Variants in CNMD observed in about 807,000 individuals in gnomAD.
The protein encoded by CNMD is chondromodulin, also known as leukocyte cell-derived chemotaxin 1.
A neutral mutation model predicts 37.5 loss-of-function variants in CNMD; 30 were observed. The observed-to-expected ratio is 0.80, with a 90% confidence interval of 0.60 to 1.09. The LOEUF (loss-of-function observed/expected upper bound fraction) is 1.09. CNMD is among the 50% of genes least tolerant of loss of function. The pLI, the probability that CNMD is intolerant of heterozygous loss-of-function variation, is 0.00. For missense variants in CNMD, 398 were observed against 423.9 expected (o/e 0.94, Z 0.54); for synonymous variants, 167 against 148.2 (o/e 1.13, Z -0.92).
chr13:52,731,862 T>A (rs1185158826), intron 3 of CNMD, among the ~76,000 whole-genome samples: 1 of 152,232 alleles, frequency 6.6e-6, no homozygotes, highest in Admixed American at 6.5e-5. Context: ...GATTTTACCC[T>A]GTCCTGGGTC....
rs1418890044 is a variant in CNMD at position 52,739,566 on chromosome 13, G to T, written c.72+64C>A. 2 of 1,455,506 alleles carry T rather than the reference G, an allele frequency of 1.4e-6. No individual in the cohort carries two copies. The highest frequency in any genetic ancestry group is 4.5e-5 in the East Asian group (2 of 43,958). The allele number at this position is 1,455,506 out of a possible 1,614,324, so 90.2% of individuals were successfully genotyped here. ...TTCGGTGGCACGCACCCCTGAGTCC[G>T]AACTGTGGAACCTGATACTCACACA... is the stretch of plus-strand genomic sequence containing the variant. On this transcript the variant is annotated intron_variant, in intron 1 of 6. Transcript: ENST00000377962. This position sits in a 1 kb window ranked among gnomAD's most constrained non-coding sequence, Gnocchi z 5.4.
chr13:52,733,638 G>T, intron 2 of CNMD: 2 of 463,512 alleles, frequency 4.3e-6, no homozygotes, highest in Non-Finnish European at 8.1e-6. Context: ...AGAAGCATCT[G>T]GGTAGACTCT....
intron 3 of CNMD, among the ~76,000 whole-genome samples, chr13:52,730,021 A>G (rs1010637679): frequency 8.1e-5 from 11 of 135,050 alleles, no homozygotes; most frequent in African/African-American, 3.1e-4. Context: ...CCCTTCCTGT[A>G]TCCATGTGTT....
intron 4 of CNMD, among the ~76,000 whole-genome samples, chr13:52,719,599 T>C (rs1964447089): frequency 1.3e-5 from 2 of 152,224 alleles, no homozygotes; most frequent in Admixed American, 1.3e-4. Flanking sequence ...TTAGTTTGGC[T>C]GGATATGAAA....
Position 52,733,779 on chromosome 13 carries a change from T to G in CNMD, c.214-420A>C, listed in dbSNP as rs543719496. On this transcript the variant is annotated intron_variant, in intron 2 of 6. Transcript: ENST00000377962. ...ATCTGGGTTGAGCACTATTGATGGA[T>G]AAATGGAAATTGAGGAGGCAGAAGG... Among the ~76,000 whole-genome samples the G allele has an allele frequency of 2.0e-4, 30 of 152,312 alleles. No individual in the cohort carries two copies. In the South Asian group the frequency reaches 6.2e-3, roughly 32 times the overall value.
At chr13:52,713,625 C>A (rs1964325869) in intron 4 of CNMD, among the ~76,000 whole-genome samples, 1 of 152,184 alleles carries the variant, frequency 6.6e-6, no homozygotes, top group Admixed American at 6.5e-5. Context: ...AGGCTTATGG[C>A]TGCATTAAAA....
At chr13:52,717,941 G>A (rs1964417324) in intron 4 of CNMD, among the ~76,000 whole-genome samples, 3 of 152,120 alleles carry the variant, frequency 2.0e-5, no homozygotes, top group Admixed American at 1.3e-4. Context: ...TTGTACCTCT[G>A]GTAGAATTTG....
At chr13:52,704,506 T>G (rs1217246512) in intron 6 of CNMD, among the ~76,000 whole-genome samples, 1 of 152,144 alleles carries the variant, frequency 6.6e-6, no homozygotes, top group Non-Finnish European at 1.5e-5. Context: ...ATCTCCATTT[T>G]CACTGCTGGT....
Position 52,739,211 on chromosome 13 carries a change from C to A in CNMD, c.73-40G>T, listed in dbSNP as rs1404059845. 1 of 1,441,850 alleles carries A rather than the reference C, an allele frequency of 6.9e-7. No homozygotes were observed. 89.3% of individuals were successfully genotyped at this position (1,441,850 alleles called of 1,614,324 possible). A position where few individuals can be genotyped will look rare whatever the true frequency, so the allele number is the denominator to read the frequency against. On this transcript the variant is annotated intron_variant, in intron 1 of 6. Coordinates refer to ENST00000377962, the MANE Select transcript of CNMD (RefSeq NM_007015.3). This position sits in a 1 kb window ranked among gnomAD's most constrained non-coding sequence, Gnocchi z 5.4. Reference sequence around the variant, plus strand: ...GGGAGAGGGACCGTCGCGTTTGTGCCGCCAGCACCTGCGGCCCCCAGCGCA... The same window carrying A: ...GGGAGAGGGACCGTCGCGTTTGTGCAGCCAGCACCTGCGGCCCCCAGCGCA...
Position 52,739,078 on chromosome 13 carries a change from A to T in CNMD, c.166T>A (p.Phe56Ile), listed in dbSNP as rs768952260. The T allele has an allele frequency of 2.5e-6, 4 of 1,581,136 alleles. No homozygotes were observed. In the East Asian group the frequency reaches 1.0e-4, roughly 40 times the overall value. Residue 56 changes from phenylalanine (F) to isoleucine (I), a missense_variant, in exon 2 of 7, where the codon TTT becomes ATT. By Grantham distance (21) the Phe-to-Ile change is conservative. Transcript: ENST00000377962. This position sits in a 1 kb window ranked among gnomAD's most constrained non-coding sequence, Gnocchi z 5.4. The stretch of plus-strand genomic sequence containing the variant: ...AAGTAGAAGGCCCCGATGGCCCCAA[A>T]GAGCAGCAGCACAGCTCCCGAAATG... ...VLISGAVLLL[F>I]GAIGAFYFWK... is the part of the protein sequence containing the mutation.
chr13:52,731,438 T>A (rs1167336540), intron 3 of CNMD, among the ~76,000 whole-genome samples: 1 of 152,130 alleles, frequency 6.6e-6, no homozygotes, highest in Admixed American at 6.5e-5. Context: ...ATTCATGTGT[T>A]TTCAAAAGTT....
Position 52,739,181 on chromosome 13 carries a change from G to A in CNMD, c.73-10C>T, listed in dbSNP as rs779205883. 24 of 1,468,372 alleles carry A rather than the reference G, an allele frequency of 1.6e-5. No homozygotes were observed. The highest frequency in any genetic ancestry group is 5.9e-5 in the African/African-American group (4 of 67,382). 91.0% of individuals were successfully genotyped at this position (1,468,372 alleles called of 1,614,324 possible). Reference sequence around the variant, plus strand: ...TCAGCGTAGCGTACGCCTGCGGGCCGGGGCGGGAGAGGGACCGTCGCGTTT... The same window carrying A: ...TCAGCGTAGCGTACGCCTGCGGGCCAGGGCGGGAGAGGGACCGTCGCGTTT... On this transcript the variant is annotated splice_polypyrimidine_tract_variant and intron_variant, in intron 1 of 6. Transcript: ENST00000377962. The surrounding 1 kb of genome is among the most constrained non-coding windows in gnomAD (Gnocchi z 5.4).
At chr13:52,707,761 G>A (rs898869505) in intron 6 of CNMD, among the ~76,000 whole-genome samples, 1 of 152,150 alleles carries the variant, frequency 6.6e-6, no homozygotes, top group Non-Finnish European at 1.5e-5. Context: ...CAGCCAATCA[G>A]GATTTTACAC....
intron 6 of CNMD, among the ~76,000 whole-genome samples, chr13:52,705,525 C>T (rs918863284): frequency 2.0e-5 from 3 of 152,112 alleles, no homozygotes; most frequent in Non-Finnish European, 4.4e-5. Flanking sequence ...AGACAACAAC[C>T]TCATTTATTA....
intron 4 of CNMD, among the ~76,000 whole-genome samples, chr13:52,717,837 C>G (rs1408136841): frequency 6.6e-6 from 1 of 152,122 alleles, no homozygotes; most frequent in East Asian, 1.9e-4. Flanking sequence ...GTTTTAGTAT[C>G]AGGATGATGC....
chr13:52,720,159 G>A (rs765017022), intron 4 of CNMD, among the ~76,000 whole-genome samples: 5 of 152,080 alleles, frequency 3.3e-5, no homozygotes, highest in African/African-American at 4.8e-5. Flanking sequence ...CGAAGTTCTC[G>A]TGCTGTGTTT....
At position 52,704,872 on chromosome 13, in the gene CNMD, G is replaced by A. The variant is rs1006756586; in HGVS notation, c.790-1062C>T. ...AGGTCAGGAGTTTGAGACCAGCCTG[G>A]CCAACATGGTGAAACCAACCCCATC... On this transcript the variant is annotated intron_variant, in intron 6 of 6. Coordinates refer to ENST00000377962, the MANE Select transcript of CNMD (RefSeq NM_007015.3). 2.0e-5 allele frequency among the ~76,000 whole-genome samples: 3 copies of A among 149,938 alleles called. No individual in the cohort carries two copies. The East Asian group carries it at 6.0e-4, about 30-fold the overall frequency.
At chr13:52,729,509 A>T (rs1045865946) in intron 3 of CNMD, among the ~76,000 whole-genome samples, 1 of 152,240 alleles carries the variant, frequency 6.6e-6, no homozygotes, top group Non-Finnish European at 1.5e-5. Flanking sequence ...CATAGCATTT[A>T]AATTGCCAAC....
At chr13:52,733,183 C>G in intron 3 of CNMD, 36 bp downstream of exon 3, 1 of 1,612,280 alleles carries the variant, frequency 6.2e-7, no homozygotes, top group Non-Finnish European at 8.5e-7. Flanking sequence ...GCAGGCTTGC[C>G]TGGTTAAATT....
Sources: gnomAD v4.1 joint callset for allele counts (sites outside exome capture counted in the v4.1 genomes callset) on GRCh38, gnomAD v4.1.1 for gene constraint, Gnocchi (gnomAD v3.1) non-coding constraint, MANE v1.5 for transcripts, NCBI Gene and HGNC (gene_info 2026-07-23, HGNC 2026-07-21) for gene names.